The following ROR1 variants were observed in gnomAD, a reference collection of about 807,000 sequenced individuals.
ROR1 encodes inactive tyrosine-protein kinase transmembrane receptor ROR1.
A neutral mutation model predicts 78.8 loss-of-function variants in ROR1; 19 were observed. The observed-to-expected ratio is 0.24, with a 90% CI of 0.17 to 0.35. The LOEUF (loss-of-function observed/expected upper bound fraction) is 0.35, where lower values mean the gene tolerates loss of function less well. ROR1 is among the 10% of genes least tolerant of loss of function. The probability of loss-of-function intolerance (pLI) is 1.00; values close to 1 mark genes in which losing one functional copy is unlikely to be tolerated. For synonymous variants in ROR1, 386 were observed against 433.6 expected (o/e 0.89, Z 1.36); for missense variants, 917 against 1,177.8 (o/e 0.78, Z 3.24).
intron 1 of ROR1, among the ~76,000 whole-genome samples, chr1:63,957,371 CAT>C (rs2100479607): frequency 6.6e-6 from 1 of 152,334 alleles, no homozygotes; most frequent in African/African-American, 2.4e-5. Flanking sequence ...TCTTAACAAA[CAT>C]AACTCTGACC....
chr1:63,857,093 G>T (rs747334239), intron 1 of ROR1, among the ~76,000 whole-genome samples: 1 of 151,694 alleles, frequency 6.6e-6, no homozygotes, highest in Non-Finnish European at 1.5e-5. Flanking sequence ...CTTGTTGAAT[G>T]AATGAATTAA....
At chr1:63,978,800 A>G (rs189764134) in intron 1 of ROR1, among the ~76,000 whole-genome samples, 142 of 152,318 alleles carry the variant, frequency 9.3e-4, no homozygotes, top group Non-Finnish European at 1.7e-3. Flanking sequence ...CAGAACCAAT[A>G]TATATAAAGA....
intron 1 of ROR1, among the ~76,000 whole-genome samples, chr1:63,976,894 C>T (rs1314467777): frequency 2.6e-5 from 4 of 152,154 alleles, no homozygotes. Flanking sequence ...AGTCCATTCT[C>T]ACACTGCTAA....
chr1:63,836,156 C>A (rs1041005296), intron 1 of ROR1, among the ~76,000 whole-genome samples: 2 of 152,156 alleles, frequency 1.3e-5, no homozygotes, highest in Admixed American at 1.3e-4. Context: ...AAAGAACTTG[C>A]TCAAAGTTAC....
chr1:63,928,479 C>T (rs543143825), intron 1 of ROR1, among the ~76,000 whole-genome samples: 60 of 152,302 alleles, frequency 3.9e-4, no homozygotes, highest in African/African-American at 9.4e-4. Context: ...AGACGCAAGA[C>T]GCTAATATGG....
At chr1:63,867,834 A>G (rs77191469) in intron 1 of ROR1, among the ~76,000 whole-genome samples, 1 of 152,242 alleles carries the variant, frequency 6.6e-6, no homozygotes, top group Non-Finnish European at 1.5e-5. Context: ...GGCAGGGGCC[A>G]AATATCCCAC....
chr1:63,970,184 C>G (rs1295702012), intron 1 of ROR1, among the ~76,000 whole-genome samples: 1 of 152,070 alleles, frequency 6.6e-6, no homozygotes, highest in African/African-American at 2.4e-5. Flanking sequence ...ATTCCCAAGT[C>G]TAGGTTGGAC....
At chr1:64,048,336 A>G (rs1004617922) in intron 2 of ROR1, among the ~76,000 whole-genome samples, 1 of 152,234 alleles carries the variant, frequency 6.6e-6, no homozygotes. Context: ...AGTGCAGATT[A>G]TAGAACATTT....
At chr1:63,931,159 G>A (rs1477509257) in intron 1 of ROR1, among the ~76,000 whole-genome samples, 1 of 152,182 alleles carries the variant, frequency 6.6e-6, no homozygotes, top group Admixed American at 6.5e-5. Context: ...GTGGGTGCCT[G>A]TAATCCCAGC....
At chr1:63,893,895 A>C (rs1041414352) in intron 1 of ROR1, among the ~76,000 whole-genome samples, 1 of 152,166 alleles carries the variant, frequency 6.6e-6, no homozygotes, top group Non-Finnish European at 1.5e-5. Flanking sequence ...CATGCATAGA[A>C]GATTCATTTT....
rs1004894735 is a variant in ROR1 at position 64,178,253 on chromosome 1, A to G, written c.2212A>G (p.Arg738Gly). 5 of 1,614,004 alleles carry G rather than the reference A, an allele frequency of 3.1e-6. No homozygotes were observed. The African/African-American group carries it at 6.7e-5, about 22-fold the overall frequency. The part of the protein sequence containing the change: ...CWNEIPSRRP[R>G]FKDIHVRLRS... ...GAATGAGATTCCTTCTAGGAGACCA[A>G]GATTTAAAGATATTCACGTCCGGCT... The change falls in exon 9 of 9, where the codon AGA (arginine) becomes GGA (glycine). Residue 738 changes from arginine (R) to glycine (G), a missense_variant. This residue lies in a region of ROR1 where 835 missense variants were observed against 1,069.8 expected (regional missense o/e 0.78). Transcript: ENST00000371079. This position sits in a 1 kb window ranked among gnomAD's most constrained non-coding sequence, Gnocchi z 4.3.
intron 2 of ROR1, among the ~76,000 whole-genome samples, chr1:64,036,423 A>G (rs1260815): frequency 0.66 from 99,685 of 152,132 alleles, 36,695 homozygotes; most frequent in East Asian, 0.89. Flanking sequence ...AGGGCACTTT[A>G]CTAACTTTGC....
intron 1 of ROR1, among the ~76,000 whole-genome samples, chr1:63,874,910 A>G (rs1163209094): frequency 6.6e-6 from 1 of 152,138 alleles, no homozygotes; most frequent in African/African-American, 2.4e-5. Flanking sequence ...ATCTGAATGA[A>G]GTAGACCAGG....
At chr1:63,914,286 C>T (rs1031994799) in intron 1 of ROR1, among the ~76,000 whole-genome samples, 1 of 152,064 alleles carries the variant, frequency 6.6e-6, no homozygotes, top group Non-Finnish European at 1.5e-5. Flanking sequence ...AAGTACAGAC[C>T]CGCAGGGTTG....
chr1:64,117,575 G>C (rs1648358660), intron 4 of ROR1, among the ~76,000 whole-genome samples: 1 of 152,128 alleles, frequency 6.6e-6, no homozygotes. Flanking sequence ...TGATTTGTCT[G>C]TTGTGTTCAT....
chr1:64,149,670 T>C (rs1219606260), intron 7 of ROR1, among the ~76,000 whole-genome samples: 1 of 152,222 alleles, frequency 6.6e-6, no homozygotes, highest in Non-Finnish European at 1.5e-5. Context: ...GTTGGCCATC[T>C]TCTCTGCCTG....
Position 63,774,825 on chromosome 1 carries a change from G to C in ROR1, c.91+317G>C, listed in dbSNP as rs1569679977. ...TCCTGGGGGTGATCGGGGCACTTCTGTGCAGGGCGTCCCCCCTTGTCTCCC... is the reference window on the plus strand; with the variant it reads ...TCCTGGGGGTGATCGGGGCACTTCTCTGCAGGGCGTCCCCCCTTGTCTCCC... On this transcript the variant is annotated intron_variant, in intron 1 of 8. Transcript: ENST00000371079. The surrounding 1 kb of genome is among the most constrained non-coding windows in gnomAD (Gnocchi z 5.7). Among the ~76,000 whole-genome samples, 1 of 152,060 alleles carries C rather than the reference G, an allele frequency of 6.6e-6. No individual in the cohort carries two copies. The highest frequency in any genetic ancestry group is 1.5e-5 in the Non-Finnish European group (1 of 67,990).
chr1:63,999,233 A>G (rs1646364124), intron 1 of ROR1, among the ~76,000 whole-genome samples: 1 of 152,232 alleles, frequency 6.6e-6, no homozygotes, highest in Non-Finnish European at 1.5e-5. Context: ...GCAAAGACAG[A>G]TACGTGATTA....
chr1:64,013,935 C>T (rs531423263), intron 2 of ROR1, among the ~76,000 whole-genome samples: 2 of 152,354 alleles, frequency 1.3e-5, no homozygotes, highest in African/African-American at 2.4e-5. Flanking sequence ...AAATGCCTAC[C>T]AGGCGTGAGG....
Sources: allele counts gnomAD v4.1 joint callset (sites outside exome capture counted in the v4.1 genomes callset), GRCh38; gene constraint gnomAD v4.1.1; regional missense constraint gnomAD v4.1.1; non-coding constraint Gnocchi (gnomAD v3.1); transcripts MANE v1.5; gene names NCBI Gene and HGNC (gene_info 2026-07-23, HGNC 2026-07-21).